Variants in CDH11 observed in about 807,000 individuals in gnomAD.
CDH11 encodes cadherin 11.
CDH11 carries 11 observed loss-of-function variants against 67.8 expected under a neutral mutation model. The ratio of observed to expected loss-of-function variants is 0.16; its 90% confidence interval spans 0.10 to 0.27. CDH11 has a LOEUF of 0.27. CDH11 is among the 10% of genes least tolerant of loss of function. The pLI is 1.00. For synonymous variants in CDH11, 419 were observed against 400.0 expected (o/e 1.05, Z -0.57); for missense variants, 847 against 1,031.2 (o/e 0.82, Z 2.45).
At chr16:65,114,626 G>A (rs1376527697) in intron 1 of CDH11, among the ~76,000 whole-genome samples, 1 of 152,156 alleles carries the variant, frequency 6.6e-6, no homozygotes, top group Non-Finnish European at 1.5e-5. Flanking sequence ...AACACAGACA[G>A]ATATTCCCTT....
intron 9 of CDH11, among the ~76,000 whole-genome samples, 188 bp from the exon 10 acceptor site, chr16:64,972,252 G>A (rs2072027767): frequency 6.6e-6 from 1 of 152,182 alleles, no homozygotes; most frequent in Non-Finnish European, 1.5e-5. Context: ...TAGAATAAAT[G>A]TCAATATTAA....
At chr16:64,970,738 T>G (rs1365049926) in intron 11 of CDH11, among the ~76,000 whole-genome samples, 1 of 152,210 alleles carries the variant, frequency 6.6e-6, no homozygotes, top group East Asian at 1.9e-4. Flanking sequence ...ATGGATTGCA[T>G]GAATATAGCA....
chr16:65,021,671 C>T (rs1179395572), intron 2 of CDH11, among the ~76,000 whole-genome samples: 2 of 149,482 alleles, frequency 1.3e-5, no homozygotes, highest in South Asian at 2.1e-4. Context: ...TCTCTTAATA[C>T]CAGACTCTAG....
Position 64,945,857 on chromosome 16 carries a change from A to C in CDH11, c.*1746T>G. Reference sequence around the variant, plus strand: ...CACAATAAAGTCAGAAAAAAACTGTAAAAATTGTCTGCAATCCAAGAAAAA... The same window carrying C: ...CACAATAAAGTCAGAAAAAAACTGTCAAAATTGTCTGCAATCCAAGAAAAA... On this transcript the variant is annotated 3_prime_UTR_variant, in exon 13 of 13. Transcript: ENST00000268603. The C allele has an allele frequency of 9.5e-7, 1 of 1,054,360 alleles. No homozygotes were observed. Among genetic ancestry groups the C allele is most frequent in the Non-Finnish European group, 1.1e-6 (1 of 872,418 alleles). 65.3% of individuals were successfully genotyped at this position (1,054,360 alleles called of 1,614,324 possible).
In CDH11 at chr16:64,971,592, G is replaced by A. The variant is rs2072006406; in HGVS notation, c.1629C>T (p.Val543=). The A allele has an allele frequency of 1.2e-6, 2 of 1,609,572 alleles. No individual in the cohort carries two copies. Among genetic ancestry groups the A allele is most frequent in the Non-Finnish European group, 1.7e-6 (2 of 1,177,066 alleles). The change falls in exon 11 of 13, where the codon GTC becomes GTT. Residue 543 remains valine (V), a synonymous_variant. Transcript: ENST00000268603. The part of the protein sequence containing the change: ...PEIIHNPNFT[V]RDNRDNTAGV... ...CTTAGTACAAACCTCGGTTGTCTCT[G>A]ACTGTGAAATTTGGATTGTGAATGA...
chr16:64,947,443 C>T lies in CDH11; in HGVS notation c.*160G>A. 7.0e-7 allele frequency: 1 copy of T among 1,438,770 alleles called. No homozygotes were observed. The highest frequency in any genetic ancestry group is 9.1e-7 in the Non-Finnish European group (1 of 1,096,570). 89.1% of individuals were successfully genotyped at this position (1,438,770 alleles called of 1,614,324 possible). A position where few individuals can be genotyped will look rare whatever the true frequency, so the allele number is the denominator to read the frequency against. On this transcript the variant is annotated 3_prime_UTR_variant, in exon 13 of 13. Transcript: ENST00000268603. Reference sequence around the variant, plus strand: ...AAAAGGTATTTCACAGTATTTACCACTTTGATGTCCTCGCAGTTTTATTAA... The same window carrying T: ...AAAAGGTATTTCACAGTATTTACCATTTTGATGTCCTCGCAGTTTTATTAA...
At chr16:65,067,922 G>A (rs1222983314) in intron 1 of CDH11, among the ~76,000 whole-genome samples, 2 of 131,516 alleles carry the variant, frequency 1.5e-5, no homozygotes, top group East Asian at 4.9e-4. Flanking sequence ...AAGGGAAGGA[G>A]GGAGGGAGGG....
intron 2 of CDH11, among the ~76,000 whole-genome samples, chr16:65,052,026 G>A (rs1178859417): frequency 3.0e-4 from 46 of 152,136 alleles, no homozygotes; most frequent in Admixed American, 3.0e-3. Flanking sequence ...GGAGTAAGGG[G>A]AGTGATACAC....
intron 1 of CDH11, among the ~76,000 whole-genome samples, chr16:65,057,074 A>G (rs1226341932): frequency 6.6e-6 from 1 of 152,158 alleles, no homozygotes; most frequent in Non-Finnish European, 1.5e-5. Context: ...ACAAAATCCA[A>G]GTTGTTCTTT....
chr16:65,055,458 C>T (rs1311486085), intron 1 of CDH11, among the ~76,000 whole-genome samples: 1 of 152,190 alleles, frequency 6.6e-6, no homozygotes, highest in Non-Finnish European at 1.5e-5. Flanking sequence ...TCACTACTTT[C>T]TTTTTTCCAA....
At chr16:65,049,475 T>C (rs144768131) in intron 2 of CDH11, among the ~76,000 whole-genome samples, 73 of 151,372 alleles carry the variant, frequency 4.8e-4, no homozygotes, top group African/African-American at 1.4e-3. Flanking sequence ...CCCCTGCGCA[T>C]AGCAGCCAAA....
intron 2 of CDH11, among the ~76,000 whole-genome samples, chr16:65,052,203 T>C (rs2074067560): frequency 6.6e-6 from 1 of 152,124 alleles, no homozygotes; most frequent in Non-Finnish European, 1.5e-5. Context: ...AAGTGCATAC[T>C]TTGGCCCAGA....
chr16:65,094,490 G>A (rs554497971), intron 1 of CDH11: 1 of 151,852 alleles, frequency 6.6e-6, no homozygotes, highest in African/African-American at 2.4e-5. Flanking sequence ...AAATATGCAG[G>A]TGTATATATA....
At chr16:64,966,872 T>C (rs76582003) in intron 11 of CDH11, among the ~76,000 whole-genome samples, 6,634 of 152,226 alleles carry the variant, frequency 0.044, 504 homozygotes, top group African/African-American at 0.15. Context: ...ATAGCATTAA[T>C]AGATGAACAG....
At chr16:64,971,789 A>G in intron 10 of CDH11, 93 bp from the exon 11 acceptor site, 1 of 1,381,026 alleles carries the variant, frequency 7.2e-7, no homozygotes, top group Non-Finnish European at 1.0e-6. Flanking sequence ...CCTGATTTTA[A>G]TTAGAGAACA....
chr16:65,033,400 C>G (rs2073685617), intron 2 of CDH11, among the ~76,000 whole-genome samples: 1 of 152,164 alleles, frequency 6.6e-6, no homozygotes, highest in South Asian at 2.1e-4. Context: ...GATGAAGCTA[C>G]ATTCATTTTC....
intron 1 of CDH11, among the ~76,000 whole-genome samples, chr16:65,120,851 T>C (rs1302662702): frequency 1.3e-5 from 2 of 152,048 alleles, no homozygotes; most frequent in Admixed American, 6.5e-5. Context: ...GACCCCACTT[T>C]CTCTGGGGAC....
At chr16:64,964,018 C>T (rs966570117) in intron 11 of CDH11, among the ~76,000 whole-genome samples, 2 of 152,020 alleles carry the variant, frequency 1.3e-5, no homozygotes, top group African/African-American at 4.8e-5. Context: ...AAAAGAAGAG[C>T]GTGGAAGAAG....
intron 7 of CDH11, chr16:64,985,321 C>A (rs576828330): frequency 6.6e-6 from 1 of 151,994 alleles, no homozygotes; most frequent in Admixed American, 6.5e-5. Flanking sequence ...TCTTCTCCTT[C>A]ACTACTATCT....
Sources: allele counts gnomAD v4.1 joint callset (sites outside exome capture counted in the v4.1 genomes callset), GRCh38; gene constraint gnomAD v4.1.1; transcripts MANE v1.5; gene names NCBI Gene and HGNC (gene_info 2026-07-23, HGNC 2026-07-21).